The following PDZRN4 variants were observed in gnomAD, a reference collection of about 807,000 sequenced individuals.
PDZRN4 encodes PDZ domain-containing RING finger protein 4.
PDZRN4 carries 70 observed loss-of-function variants against 99.0 expected under a neutral mutation model. The ratio of observed to expected loss-of-function variants is 0.71; its 90% CI spans 0.58 to 0.86. The LOEUF (loss-of-function observed/expected upper bound fraction) is 0.86. PDZRN4 is among the 40% of genes least tolerant of loss of function. The probability of loss-of-function intolerance (pLI) is 0.00; values close to 1 mark genes in which losing one functional copy is unlikely to be tolerated. For missense variants in PDZRN4, 1,474 were observed against 1,331.2 expected, an observed-to-expected ratio of 1.11 and a Z score of -1.67; for synonymous variants, 551 against 501.6, an observed-to-expected ratio of 1.10 and a Z score of -1.32.
chr12:41,301,827 A>G (rs1421128315), intron 3 of PDZRN4, among the ~76,000 whole-genome samples: 1 of 152,080 alleles, frequency 6.6e-6, no homozygotes, highest in African/African-American at 2.4e-5. Context: ...TCTAGATTTG[A>G]GATCAAACCC....
chr12:41,536,010 C>T (rs183966098), intron 5 of PDZRN4, among the ~76,000 whole-genome samples: 34 of 152,224 alleles, frequency 2.2e-4, no homozygotes, highest in African/African-American at 7.5e-4. Context: ...GTATAGCCGT[C>T]GGGTTCCCAG....
At chr12:41,531,143 C>A (rs1370412958) in intron 5 of PDZRN4, among the ~76,000 whole-genome samples, 6 of 152,290 alleles carry the variant, frequency 3.9e-5, no homozygotes, top group Admixed American at 1.3e-4. Context: ...ATCCCGGGTT[C>A]TTGCCTTGGT....
chr12:41,401,278 A>T (rs140500263), intron 3 of PDZRN4, among the ~76,000 whole-genome samples: 14 of 152,304 alleles, frequency 9.2e-5, no homozygotes, highest in African/African-American at 3.4e-4. Flanking sequence ...CATTCAGGAA[A>T]CAATGAATGT....
chr12:41,475,289 CT>C (rs1181983666), intron 3 of PDZRN4, among the ~76,000 whole-genome samples: 1 of 152,124 alleles, frequency 6.6e-6, no homozygotes, highest in Non-Finnish European at 1.5e-5. Flanking sequence ...TATCATATTT[CT>C]CTTTTTTCTG....
At chr12:41,305,871 C>T (rs1420490906) in intron 3 of PDZRN4, among the ~76,000 whole-genome samples, 1 of 152,128 alleles carries the variant, frequency 6.6e-6, no homozygotes, top group Non-Finnish European at 1.5e-5. Context: ...AGTCTAAAGT[C>T]CAGAGTCTCA....
chr12:41,555,848 A>G, intron 7 of PDZRN4, 88 bp downstream of exon 7: 6 of 1,131,066 alleles, frequency 5.3e-6, no homozygotes, highest in Non-Finnish European at 6.6e-6. Flanking sequence ...TTGAGAAAAG[A>G]ATTTGTCTTT....
At chr12:41,454,264 A>G (rs1192515812) in intron 3 of PDZRN4, among the ~76,000 whole-genome samples, 1 of 152,190 alleles carries the variant, frequency 6.6e-6, no homozygotes, top group Non-Finnish European at 1.5e-5. Flanking sequence ...GTTTAATTAC[A>G]TTATTGAATG....
chr12:41,412,744 C>G (rs1024549281), intron 3 of PDZRN4, among the ~76,000 whole-genome samples: 1 of 151,834 alleles, frequency 6.6e-6, no homozygotes, highest in African/African-American at 2.4e-5. Flanking sequence ...CAATGAATAC[C>G]AAATGCTGAA....
At chr12:41,290,330 A>G (rs1190834472) in intron 3 of PDZRN4, among the ~76,000 whole-genome samples, 1 of 152,206 alleles carries the variant, frequency 6.6e-6, no homozygotes, top group Admixed American at 6.5e-5. Context: ...TCTTTGATTC[A>G]AAACATCTTT....
intron 3 of PDZRN4, among the ~76,000 whole-genome samples, chr12:41,381,608 T>A (rs1180156007): frequency 6.6e-6 from 1 of 152,202 alleles, no homozygotes; most frequent in East Asian, 1.9e-4. Flanking sequence ...TCTTTCTTTG[T>A]TGAACTTGCA....
intron 3 of PDZRN4, among the ~76,000 whole-genome samples, chr12:41,332,331 G>A (rs1055391955): frequency 2.6e-5 from 4 of 152,070 alleles, no homozygotes; most frequent in Admixed American, 2.0e-4. Flanking sequence ...GGAGGAAGGT[G>A]AAAGAGGGTA....
intron 3 of PDZRN4, among the ~76,000 whole-genome samples, chr12:41,363,832 C>G (rs1164372497): frequency 6.6e-6 from 1 of 152,098 alleles, no homozygotes; most frequent in Non-Finnish European, 1.5e-5. Flanking sequence ...TGACGACTAC[C>G]TTCCAGCAAC....
chr12:41,216,857 T>G (rs1424767356), intron 3 of PDZRN4, among the ~76,000 whole-genome samples: 1 of 151,842 alleles, frequency 6.6e-6, no homozygotes, highest in Non-Finnish European at 1.5e-5. Flanking sequence ...CCTGCTGAGT[T>G]AAATTAATGT....
At chr12:41,239,067 T>C (rs116658921) in intron 3 of PDZRN4, among the ~76,000 whole-genome samples, 8,310 of 152,282 alleles carry the variant, frequency 0.055, 256 homozygotes, top group Non-Finnish European at 0.061. Flanking sequence ...TCAACCTGAA[T>C]ACCCATCAAT....
At chr12:41,400,736 C>A (rs768437045) in intron 3 of PDZRN4, among the ~76,000 whole-genome samples, 1 of 152,106 alleles carries the variant, frequency 6.6e-6, no homozygotes, top group South Asian at 2.1e-4. Flanking sequence ...AAAATAATTT[C>A]ATTAAGACTT....
chr12:41,388,732 A>G (rs1021352018), intron 3 of PDZRN4, among the ~76,000 whole-genome samples: 1 of 152,218 alleles, frequency 6.6e-6, no homozygotes, highest in African/African-American at 2.4e-5. Context: ...GGAGAGAGAA[A>G]AAAAGTCAAG....
At chr12:41,279,620 C>G (rs1951370829) in intron 3 of PDZRN4, among the ~76,000 whole-genome samples, 1 of 152,050 alleles carries the variant, frequency 6.6e-6, no homozygotes, top group Non-Finnish European at 1.5e-5. Flanking sequence ...TATTAATTGA[C>G]CTGGCTCCAG....
At chr12:41,383,596 T>C (rs1952142197) in intron 3 of PDZRN4, among the ~76,000 whole-genome samples, 1 of 152,210 alleles carries the variant, frequency 6.6e-6, no homozygotes, top group African/African-American at 2.4e-5. Context: ...CTCCTTTGTA[T>C]GGCTTTCTCC....
intron 3 of PDZRN4, among the ~76,000 whole-genome samples, chr12:41,415,853 A>C (rs1043770474): frequency 4.6e-5 from 7 of 152,160 alleles, no homozygotes; most frequent in African/African-American, 1.7e-4. Context: ...GATAATCAAG[A>C]TCTTGACTCT....
Sources: allele counts gnomAD v4.1 joint callset (sites outside exome capture counted in the v4.1 genomes callset), GRCh38; gene constraint gnomAD v4.1.1; transcripts MANE v1.5; gene names NCBI Gene and HGNC (gene_info 2026-07-23, HGNC 2026-07-21).